The following SCUBE3 variants were observed in gnomAD, a reference collection of about 807,000 sequenced individuals.
SCUBE3 encodes signal peptide, CUB domain and EGF like domain containing 3, also known as signal peptide, CUB and EGF-like domain-containing protein 3.
Under a neutral mutation model 116.8 loss-of-function variants are expected in SCUBE3, and 33 were observed. The ratio of observed to expected loss-of-function variants is 0.28; its 90% confidence interval spans 0.21 to 0.38. The LOEUF (loss-of-function observed/expected upper bound fraction) is 0.38. Among genes scored for constraint, SCUBE3 ranks in the 10% least tolerant of loss-of-function variants. The pLI is 1.00. For synonymous variants in SCUBE3, 418 were observed against 496.9 expected, an observed-to-expected ratio of 0.84 and a Z score of 2.11; for missense variants, 1,007 against 1,324.8, an observed-to-expected ratio of 0.76 and a Z score of 3.72.
At position 35,244,181 on chromosome 6, in the gene SCUBE3, C is replaced by CA. The variant is rs773057029; in HGVS notation, c.2239+57dup. The CA allele has an allele frequency of 1.3e-6, 2 of 1,508,932 alleles. No homozygotes were observed. The highest frequency in any genetic ancestry group is 2.4e-5 in the South Asian group (2 of 83,880). The allele number at this position is 1,508,932 out of a possible 1,614,324, so 93.5% of individuals were successfully genotyped here. On this transcript the variant is annotated intron_variant, in intron 17 of 21. Coordinates refer to ENST00000274938, the MANE Select transcript of SCUBE3 (RefSeq NM_152753.4). This position sits in a 1 kb window ranked among gnomAD's most constrained non-coding sequence, Gnocchi z 4.3. ...GGGATGCCCCAACCCCAACTACTCC[C>CA]AAAAAACTCTCCAATTTCCCAGAGG...
chr6:35,244,714 C>G lies in SCUBE3; in HGVS notation c.2304C>G (p.Gly768=). 1.2e-6 allele frequency: 2 copies of G among 1,614,162 alleles called. No individual in the cohort carries two copies. Among genetic ancestry groups the G allele is most frequent in the Non-Finnish European group, 1.7e-6 (2 of 1,179,972 alleles). ...SIHRCIRCAM[G]SYQPDFRQNF... Reference sequence around the variant, plus strand: ...ACCGCTGTATTCGCTGTGCCATGGGCTCCTATCAGCCCGACTTCCGTCAGA... The same window carrying G: ...ACCGCTGTATTCGCTGTGCCATGGGGTCCTATCAGCCCGACTTCCGTCAGA... The change falls in exon 18 of 22, where the codon GGC becomes GGG. Residue 768 remains glycine (G), a synonymous_variant. Coordinates refer to ENST00000274938, the MANE Select transcript of SCUBE3 (RefSeq NM_152753.4). The surrounding 1 kb of genome is among the most constrained non-coding windows in gnomAD (Gnocchi z 4.3).
Position 35,239,709 on chromosome 6 carries a change from C to A in SCUBE3, c.830-43C>A, listed in dbSNP as rs1261160496. 1.3e-6 allele frequency: 2 copies of A among 1,597,482 alleles called. No individual in the cohort carries two copies. Among genetic ancestry groups the A allele is most frequent in the Non-Finnish European group, 1.7e-6 (2 of 1,170,918 alleles). Reference sequence around the variant, plus strand: ...GATCTTTCTCCTTGTTTGTTCTCAGCCTTTGATAGTATCTTTTATCCTGTT... The same window carrying A: ...GATCTTTCTCCTTGTTTGTTCTCAGACTTTGATAGTATCTTTTATCCTGTT... On this transcript the variant is annotated intron_variant, in intron 7 of 21. Transcript: ENST00000274938. The surrounding 1 kb of genome is among the most constrained non-coding windows in gnomAD (Gnocchi z 4.1).
At position 35,239,927 on chromosome 6, in the gene SCUBE3, G is replaced by A; in HGVS notation, c.952+53G>A. 2.0e-6 allele frequency: 3 copies of A among 1,505,268 alleles called. No individual in the cohort carries two copies. The highest frequency in any genetic ancestry group is 1.8e-6 in the Non-Finnish European group (2 of 1,126,056). 93.2% of individuals were successfully genotyped at this position (1,505,268 alleles called of 1,614,324 possible). On this transcript the variant is annotated intron_variant, in intron 8 of 21. Transcript: ENST00000274938. This position sits in a 1 kb window ranked among gnomAD's most constrained non-coding sequence, Gnocchi z 4.1. ...CCTTAGGAGAGGTTCTTGTGGGAGA[G>A]CTTCAAGGAGGCCAGAGGGCTAAAG...
At chr6:35,242,144 A>G (rs1784094890) in intron 12 of SCUBE3, 60 bp from the exon 13 acceptor site, 1 of 1,260,824 alleles carries the variant, frequency 7.9e-7, no homozygotes, top group South Asian at 1.2e-5. Flanking sequence ...AACAACCCCT[A>G]CGGCACCCCC....
chr6:35,235,353 AGTGGGGAGGAGAGG>A lies in SCUBE3; in HGVS notation c.712+2062_712+2075del. ...TTTGGGGCTACTGGTTTGGGCTGGCAGTGGGGAGGAGAGGGTGGGGAGGGGTCCGGGGCCAGAGG... is the reference window on the plus strand; with the variant it reads ...TTTGGGGCTACTGGTTTGGGCTGGCAGTGGGGAGGGGTCCGGGGCCAGAGG... On this transcript the variant is annotated intron_variant, in intron 6 of 21. Coordinates refer to ENST00000274938, the MANE Select transcript of SCUBE3 (RefSeq NM_152753.4). This position sits in a 1 kb window ranked among gnomAD's most constrained non-coding sequence, Gnocchi z 4.5. The A allele has an allele frequency of 6.1e-6, 3 of 491,828 alleles. No homozygotes were observed. The highest frequency in any genetic ancestry group is 4.8e-5 in the South Asian group (3 of 63,096). 30.5% of individuals were successfully genotyped at this position (491,828 alleles called of 1,614,324 possible).
At position 35,245,503 on chromosome 6, in the gene SCUBE3, A is replaced by G; in HGVS notation, c.2599+78A>G. ...GCGGAGAACAAAGAGAGAGACTGAT[A>G]CAGGAAGAAATGGGGCAGTGAAGTT... is the stretch of plus-strand genomic sequence containing the variant. On this transcript the variant is annotated intron_variant, in intron 19 of 21. Coordinates refer to ENST00000274938, the MANE Select transcript of SCUBE3 (RefSeq NM_152753.4). The surrounding 1 kb of genome is among the most constrained non-coding windows in gnomAD (Gnocchi z 4.2). 8.1e-7 allele frequency: 1 copy of G among 1,228,074 alleles called. No individual in the cohort carries two copies. The highest frequency in any genetic ancestry group is 1.8e-5 in the Admixed American group (1 of 57,032). 76.1% of individuals were successfully genotyped at this position (1,228,074 alleles called of 1,614,324 possible).
chr6:35,241,849 C>T lies in SCUBE3; in HGVS notation c.1356C>T (p.Pro452=). Residue 452 remains proline (P), a synonymous_variant, in exon 12 of 22, where the codon CCC becomes CCT. Coordinates refer to ENST00000274938, the MANE Select transcript of SCUBE3 (RefSeq NM_152753.4). This position sits in a 1 kb window ranked among gnomAD's most constrained non-coding sequence, Gnocchi z 4.1. ...CGGTGAGCTGTGGGACCCCCAGCCCCAGGGCTGCTCCAGCCCGAGCTGGCC... is the reference window on the plus strand; with the variant it reads ...CGGTGAGCTGTGGGACCCCCAGCCCTAGGGCTGCTCCAGCCCGAGCTGGCC... The part of the protein sequence containing the change: ...GFTVSCGTPS[P]RAAPARAGHN... 6.2e-7 allele frequency: 1 copy of T among 1,612,908 alleles called. No homozygotes were observed. Among genetic ancestry groups the T allele is most frequent in the Non-Finnish European group, 8.5e-7 (1 of 1,179,938 alleles).
In SCUBE3 at chr6:35,250,357, C is replaced by A. The variant is rs1418846240; in HGVS notation, c.*1652C>A. ...TCATCCTGTTATCCCCTGGTGTACA[C>A]ATGGAAGAGGACCAGGACATACCAC... On this transcript the variant is annotated 3_prime_UTR_variant, in exon 22 of 22. Transcript: ENST00000274938. The A allele has an allele frequency of 1.3e-5, 2 of 152,200 alleles. No individual in the cohort carries two copies. The highest frequency in any genetic ancestry group is 1.9e-4 in the East Asian group (1 of 5,194). The allele number at this position is 152,200 out of a possible 1,614,324, so 9.4% of individuals were successfully genotyped here.
At position 35,241,763 on chromosome 6, in the gene SCUBE3, G is replaced by A. The variant is rs769308031; in HGVS notation, c.1313-43G>A. ...CCCTGGATTCCTCCAGCCAGCGGGG[G>A]TTGGGAAGGCAGGTCAGAACTGTGA... On this transcript the variant is annotated intron_variant, in intron 11 of 21. Transcript: ENST00000274938. The surrounding 1 kb of genome is among the most constrained non-coding windows in gnomAD (Gnocchi z 4.1). 1.1e-5 allele frequency: 17 copies of A among 1,553,382 alleles called. No homozygotes were observed. Among genetic ancestry groups the A allele is most frequent in the Non-Finnish European group, 8.0e-6 (9 of 1,124,730 alleles).
At chr6:35,236,315 A>C (rs1399024043) in intron 6 of SCUBE3, among the ~76,000 whole-genome samples, 3 of 152,222 alleles carry the variant, frequency 2.0e-5, no homozygotes, top group Non-Finnish European at 4.4e-5. Flanking sequence ...CTTTCTGTCC[A>C]GCCTGGGATG....
Position 35,246,057 on chromosome 6 carries a change from A to T in SCUBE3, c.2713A>T (p.Ser905Cys). The change falls in exon 20 of 22, where the codon AGC (serine) becomes TGC (cysteine). Residue 905 changes from serine to cysteine, a missense_variant. Transcript: ENST00000274938. The stretch of plus-strand genomic sequence containing the variant: ...CAACTTCAAGACAAGCGAGGCCAAC[A>T]GCGCCCGTGGCTTCCAGATTCCCTA... ...WINFKTSEAN[S>C]ARGFQIPYVT... 2 of 1,614,204 alleles carry T rather than the reference A, an allele frequency of 1.2e-6. No individual in the cohort carries two copies. The highest frequency in any genetic ancestry group is 1.7e-6 in the Non-Finnish European group (2 of 1,180,034).
intron 6 of SCUBE3, among the ~76,000 whole-genome samples, chr6:35,234,733 G>A (rs972273882): frequency 6.6e-6 from 1 of 152,166 alleles, no homozygotes; most frequent in African/African-American, 2.4e-5. Flanking sequence ...ATGAGTCAGG[G>A]GCCAGGGATG....
intron 1 of SCUBE3, among the ~76,000 whole-genome samples, chr6:35,226,669 G>C (rs1196072444): frequency 2.0e-5 from 3 of 151,868 alleles, no homozygotes; most frequent in Non-Finnish European, 4.4e-5. Context: ...TTTTAGTAGA[G>C]ATGGGGTTTC....
At chr6:35,237,828 T>G in intron 6 of SCUBE3, 74 bp from the exon 7 acceptor site, 1 of 879,224 alleles carries the variant, frequency 1.1e-6, no homozygotes, top group Non-Finnish European at 1.8e-6. Flanking sequence ...CTCTGTGGTC[T>G]CCACTACCCT....
Position 35,228,746 on chromosome 6 carries a change from A to G in SCUBE3, c.334+7A>G. 6.2e-7 allele frequency: 1 copy of G among 1,613,928 alleles called. No homozygotes were observed. On this transcript the variant is annotated splice_region_variant and intron_variant, in intron 3 of 21. Coordinates refer to ENST00000274938, the MANE Select transcript of SCUBE3 (RefSeq NM_152753.4). The surrounding 1 kb of genome is among the most constrained non-coding windows in gnomAD (Gnocchi z 4.9). ...GACGGACACAACTGTCTGGGTAAGC[A>G]AAGGAGAGGGGATTTGGTGGAGGGA... is the stretch of plus-strand genomic sequence containing the variant.
rs1298209816 is a variant in SCUBE3, at chr6:35,244,610, G to A, written c.2240-40G>A. The A allele has an allele frequency of 6.3e-7, 1 of 1,583,646 alleles. No homozygotes were observed. Among genetic ancestry groups the A allele is most frequent in the Non-Finnish European group, 8.7e-7 (1 of 1,153,794 alleles). On this transcript the variant is annotated intron_variant, in intron 17 of 21. Coordinates refer to ENST00000274938, the MANE Select transcript of SCUBE3 (RefSeq NM_152753.4). The surrounding 1 kb of genome is among the most constrained non-coding windows in gnomAD (Gnocchi z 4.3). ...ATCCCATGCCCCGTAACTCCCACCT[G>A]CCTACCATCTTGATTCCTGCCCTTC...
chr6:35,244,758 C>T lies in SCUBE3; in HGVS notation c.2348C>T (p.Pro783Leu). 6.2e-7 allele frequency: 1 copy of T among 1,614,206 alleles called. No homozygotes were observed. ...CGTCAGAACTTCTGCAGCCGCTGTCCAGGAAACACAAGCACAGACTTTGAT... is the reference window on the plus strand; with the variant it reads ...CGTCAGAACTTCTGCAGCCGCTGTCTAGGAAACACAAGCACAGACTTTGAT... ...DFRQNFCSRC[P>L]GNTSTDFDGS... Residue 783 changes from proline (P) to leucine (L), a missense_variant, in exon 18 of 22, where the codon CCA (proline) becomes CTA (leucine). Transcript: ENST00000274938. The surrounding 1 kb of genome is among the most constrained non-coding windows in gnomAD (Gnocchi z 4.3).
chr6:35,243,099 T>C lies in SCUBE3; in HGVS notation c.1772T>C (p.Ile591Thr). 6.2e-7 allele frequency: 1 copy of C among 1,614,168 alleles called. No homozygotes were observed. Among genetic ancestry groups the C allele is most frequent in the Non-Finnish European group, 8.5e-7 (1 of 1,180,018 alleles). ...TCCCTGAAGATGCTCAGAAAGTCCA[T>C]CAACCAGGACCGCTTCCTGCTGCGC... ...KGSLKMLRKS[I>T]NQDRFLLRLA... is the part of the protein sequence containing the mutation. Residue 591 changes from isoleucine (I) to threonine (T), a missense_variant, in exon 15 of 22, where the codon ATC becomes ACC. Coordinates refer to ENST00000274938, the MANE Select transcript of SCUBE3 (RefSeq NM_152753.4). This position sits in a 1 kb window ranked among gnomAD's most constrained non-coding sequence, Gnocchi z 6.6.
chr6:35,245,640 G>C lies in SCUBE3; in HGVS notation c.2599+215G>C, dbSNP rs921844254. Among the ~76,000 whole-genome samples, 2 of 152,140 alleles carry C rather than the reference G, an allele frequency of 1.3e-5. No individual in the cohort carries two copies. Among genetic ancestry groups the C allele is most frequent in the African/African-American group, 4.8e-5 (2 of 41,398 alleles). On this transcript the variant is annotated intron_variant, in intron 19 of 21. Coordinates refer to ENST00000274938, the MANE Select transcript of SCUBE3 (RefSeq NM_152753.4). This position sits in a 1 kb window ranked among gnomAD's most constrained non-coding sequence, Gnocchi z 4.2. ...AAACAGAGTTAAGAAAGCTAGCAGT[G>C]GGGCTAGAACTCCAATGGCGTTACA...
Sources: allele counts gnomAD v4.1 joint callset (sites outside exome capture counted in the v4.1 genomes callset), GRCh38; gene constraint gnomAD v4.1.1; non-coding constraint Gnocchi (gnomAD v3.1); transcripts MANE v1.5; gene names NCBI Gene and HGNC (gene_info 2026-07-23, HGNC 2026-07-21).